RFTN1: variants seen among roughly 807,000 people sequenced by gnomAD.
RFTN1 encodes raftlin.
A neutral mutation model predicts 46.5 loss-of-function variants in RFTN1; 26 were observed. The observed-to-expected ratio is 0.56, with a 90% CI of 0.41 to 0.78. RFTN1 has a LOEUF of 0.78. Ranked by LOEUF, RFTN1 falls within the 30% of genes least tolerant of loss-of-function variation. The pLI is 0.00. For synonymous variants in RFTN1, 261 were observed against 284.2 expected (o/e 0.92, Z 0.82); for missense variants, 693 against 718.7 (o/e 0.96, Z 0.41).
chr3:16,469,054 G>A (rs368086719), intron 2 of RFTN1, among the ~76,000 whole-genome samples: 39 of 152,324 alleles, frequency 2.6e-4, no homozygotes, highest in African/African-American at 7.7e-4. Context: ...CCTATCCCAC[G>A]TCCAAATAAG....
At chr3:16,406,859 G>A (rs2125443083) in intron 4 of RFTN1, among the ~76,000 whole-genome samples, 1 of 152,290 alleles carries the variant, frequency 6.6e-6, no homozygotes, top group East Asian at 1.9e-4. Context: ...GAATGAGCAG[G>A]TGTCATTTAC....
chr3:16,391,882 GT>G (rs1295347779), intron 4 of RFTN1, among the ~76,000 whole-genome samples: 2 of 23,448 alleles, frequency 8.5e-5, no homozygotes, highest in Admixed American at 5.4e-4. Context: ...TTTTTTTTTT[GT>G]TTTTTTTTTT....
chr3:16,341,984 C>G lies in RFTN1; in HGVS notation c.1147-15108G>C, dbSNP rs368957285. Among the ~76,000 whole-genome samples, 1 of 152,224 alleles carries G rather than the reference C, an allele frequency of 6.6e-6. No homozygotes were observed. The highest frequency in any genetic ancestry group is 2.4e-5 in the African/African-American group (1 of 41,516). On this transcript the variant is annotated intron_variant, in intron 7 of 9. Coordinates refer to ENST00000334133, the MANE Select transcript of RFTN1 (RefSeq NM_015150.2). This position sits in a 1 kb window ranked among gnomAD's most constrained non-coding sequence, Gnocchi z 4.7. ...GGTTTACTTTGCTTTCTTTTCTTGA[C>G]CTGTATTTTCTAAATTATCTTTAAT... is the stretch of plus-strand genomic sequence containing the variant.
chr3:16,483,327 G>T lies in RFTN1; in HGVS notation c.145+10398C>A, dbSNP rs11925623. Among the ~76,000 whole-genome samples, 90,820 of 151,952 alleles carry T rather than the reference G, an allele frequency of 0.6. 29,117 individuals are homozygous for T. Among genetic ancestry groups the T allele is most frequent in the African/African-American group, 0.84 (35,016 of 41,470 alleles). On this transcript the variant is annotated intron_variant, in intron 2 of 9. Transcript: ENST00000334133. This position sits in a 1 kb window ranked among gnomAD's most constrained non-coding sequence, Gnocchi z 4.8. The stretch of plus-strand genomic sequence containing the variant: ...CTCTTCCTTCCTTTCCCTAGTTTAC[G>T]ATGTTGGGCTCCCCTGTAAAGCACC...
At position 16,466,361 on chromosome 3, in the gene RFTN1, T is replaced by A. The variant is rs2076091798; in HGVS notation, c.145+27364A>T. 6.6e-6 allele frequency among the ~76,000 whole-genome samples: 1 copy of A among 152,226 alleles called. No individual in the cohort carries two copies. Among genetic ancestry groups the A allele is most frequent in the African/African-American group, 2.4e-5 (1 of 41,454 alleles). On this transcript the variant is annotated intron_variant, in intron 2 of 9. Coordinates refer to ENST00000334133, the MANE Select transcript of RFTN1 (RefSeq NM_015150.2). The surrounding 1 kb of genome is among the most constrained non-coding windows in gnomAD (Gnocchi z 5.6). ...TTAAAGATGTAATATCTATGAAATC[T>A]CTGTTGTTATTTACCTATGATAGTA...
chr3:16,404,551 T>C (rs1575237203), intron 4 of RFTN1, among the ~76,000 whole-genome samples: 1 of 149,944 alleles, frequency 6.7e-6, no homozygotes, highest in East Asian at 2.0e-4. Flanking sequence ...CTCCACATAA[T>C]CAAAGGAAGC....
rs1007561836 is a variant in RFTN1 at position 16,440,694 on chromosome 3, G to GA, written c.146-6658_146-6657insT. ...CAAGATGGTTACTGCTAATGGGGGGGGGGCCCAATGGTGCCAGAACTTCTA... is the reference window on the plus strand; with the variant it reads ...CAAGATGGTTACTGCTAATGGGGGGGAGGGCCCAATGGTGCCAGAACTTCTA... On this transcript the variant is annotated intron_variant, in intron 2 of 9. Coordinates refer to ENST00000334133, the MANE Select transcript of RFTN1 (RefSeq NM_015150.2). This position sits in a 1 kb window ranked among gnomAD's most constrained non-coding sequence, Gnocchi z 4.6. Among the ~76,000 whole-genome samples, 3 of 151,908 alleles carry GA rather than the reference G, an allele frequency of 2.0e-5. No individual in the cohort carries two copies. The highest frequency in any genetic ancestry group is 4.4e-5 in the Non-Finnish European group (3 of 68,020).
rs186113097 is a variant in RFTN1, at chr3:16,404,635, C to T, written c.441+4740G>A. On this transcript the variant is annotated intron_variant, in intron 4 of 9. Transcript: ENST00000334133. Reference sequence around the variant, plus strand: ...AAACAGGACTTGGCTCTTCCTCAGCCTTATGCCTTCAACCCATGCTCCTGT... The same window carrying T: ...AAACAGGACTTGGCTCTTCCTCAGCTTTATGCCTTCAACCCATGCTCCTGT... 8.5e-3 allele frequency among the ~76,000 whole-genome samples: 1,293 copies of T among 151,784 alleles called. 12 individuals are homozygous for T. Among genetic ancestry groups the T allele is most frequent in the Non-Finnish European group, 0.011 (765 of 67,958 alleles).
At chr3:16,423,179 A>G (rs918782600) in intron 3 of RFTN1, among the ~76,000 whole-genome samples, 4 of 151,430 alleles carry the variant, frequency 2.6e-5, no homozygotes, top group African/African-American at 9.8e-5. Context: ...AAAAAAAAAA[A>G]AGTTAGACTC....
At position 16,335,384 on chromosome 3, in the gene RFTN1, G is replaced by T. The variant is rs2070746019; in HGVS notation, c.1147-8508C>A. ...CTGCATGGGAAACAGGCTTAAGAAG[G>T]GAGTTTGTACCACATTTTCTTTATC... is the stretch of plus-strand genomic sequence containing the variant. On this transcript the variant is annotated intron_variant, in intron 7 of 9. Transcript: ENST00000334133. This position sits in a 1 kb window ranked among gnomAD's most constrained non-coding sequence, Gnocchi z 4.7. 6.6e-6 allele frequency among the ~76,000 whole-genome samples: 1 copy of T among 152,144 alleles called. No homozygotes were observed. The highest frequency in any genetic ancestry group is 1.9e-4 in the East Asian group (1 of 5,206).
At position 16,345,327 on chromosome 3, in the gene RFTN1, C is replaced by T. The variant is rs1203540279; in HGVS notation, c.1146+12605G>A. 1 of 146,620 alleles carries T rather than the reference C, an allele frequency of 6.8e-6. No homozygotes were observed. The highest frequency in any genetic ancestry group is 2.7e-5 in the African/African-American group (1 of 36,678). 9.1% of individuals were successfully genotyped at this position (146,620 alleles called of 1,614,324 possible). A position where few individuals can be genotyped will look rare whatever the true frequency, so the allele number is the denominator to read the frequency against. On this transcript the variant is annotated intron_variant, in intron 7 of 9. Transcript: ENST00000334133. The surrounding 1 kb of genome is among the most constrained non-coding windows in gnomAD (Gnocchi z 5.2). ...TTAAAGCTGTTATAGAATTATCTCC[C>T]ACTTTTTTATCTCAAACACATTGGG...
intron 4 of RFTN1, among the ~76,000 whole-genome samples, chr3:16,391,885 TTTTTTTTTG>T (rs1559317965): frequency 0.011 from 419 of 38,966 alleles, 57 homozygotes; most frequent in Non-Finnish European, 0.017. Context: ...TTTTTTTGTT[TTTTTTTTTG>T]TTTTTTTTAC....
In RFTN1 at chr3:16,442,894, G is replaced by A. The variant is rs1172035957; in HGVS notation, c.146-8857C>T. ...AATGTCCTCTAGATTCAGCCATGCT[G>A]TTGTAAATGGAGGATCATCTTCTTT... is the stretch of plus-strand genomic sequence containing the variant. On this transcript the variant is annotated intron_variant, in intron 2 of 9. Coordinates refer to ENST00000334133, the MANE Select transcript of RFTN1 (RefSeq NM_015150.2). The surrounding 1 kb of genome is among the most constrained non-coding windows in gnomAD (Gnocchi z 4.1). Among the ~76,000 whole-genome samples, 1 of 152,226 alleles carries A rather than the reference G, an allele frequency of 6.6e-6. No homozygotes were observed. Among genetic ancestry groups the A allele is most frequent in the Admixed American group, 6.5e-5 (1 of 15,280 alleles).
At chr3:16,462,384 G>A (rs1291606224) in intron 2 of RFTN1, among the ~76,000 whole-genome samples, 2 of 152,226 alleles carry the variant, frequency 1.3e-5, no homozygotes, top group Admixed American at 1.3e-4. Flanking sequence ...CCTGTGAATA[G>A]TAACCTTATA....
At position 16,381,386 on chromosome 3, in the gene RFTN1, G is replaced by C. The variant is rs2073986695; in HGVS notation, c.442-3284C>G. ...ATATAGTAATGGATGTGAAGGCATA[G>C]ACATGACAGTGACAATGGTGATTAT... is the stretch of plus-strand genomic sequence containing the variant. On this transcript the variant is annotated intron_variant, in intron 4 of 9. Coordinates refer to ENST00000334133, the MANE Select transcript of RFTN1 (RefSeq NM_015150.2). The surrounding 1 kb of genome is among the most constrained non-coding windows in gnomAD (Gnocchi z 4.2). 6.6e-6 allele frequency among the ~76,000 whole-genome samples: 1 copy of C among 152,186 alleles called. No individual in the cohort carries two copies. The highest frequency in any genetic ancestry group is 2.4e-5 in the African/African-American group (1 of 41,438).
Position 16,322,509 on chromosome 3 carries a change from T to C in RFTN1, c.1332+867A>G, listed in dbSNP as rs764877156. ...CCTGCCGAGAATGTGGCCTCAGCCA[T>C]CAAAGGTGCAGTGAGCTGAATCCAG... On this transcript the variant is annotated intron_variant, in intron 9 of 9. Transcript: ENST00000334133. The surrounding 1 kb of genome is among the most constrained non-coding windows in gnomAD (Gnocchi z 6.2). 6.6e-6 allele frequency among the ~76,000 whole-genome samples: 1 copy of C among 152,122 alleles called. No individual in the cohort carries two copies. The highest frequency in any genetic ancestry group is 1.5e-5 in the Non-Finnish European group (1 of 68,016).
At position 16,421,181 on chromosome 3, in the gene RFTN1, T is replaced by A. The variant is rs1420048362; in HGVS notation, c.333-11698A>T. On this transcript the variant is annotated intron_variant, in intron 3 of 9. Coordinates refer to ENST00000334133, the MANE Select transcript of RFTN1 (RefSeq NM_015150.2). This position sits in a 1 kb window ranked among gnomAD's most constrained non-coding sequence, Gnocchi z 4.6. ...AATAAGCAATATTTTATAATGATGATCACAGTAAGTTCACACTATTAATAG... is the reference window on the plus strand; with the variant it reads ...AATAAGCAATATTTTATAATGATGAACACAGTAAGTTCACACTATTAATAG... Among the ~76,000 whole-genome samples the A allele has an allele frequency of 3.3e-5, 5 of 152,206 alleles. No homozygotes were observed.
At chr3:16,416,927 G>A (rs551248571) in intron 3 of RFTN1, among the ~76,000 whole-genome samples, 69 of 151,790 alleles carry the variant, frequency 4.5e-4, no homozygotes, top group African/African-American at 1.6e-3. Context: ...ATTTTTAAGT[G>A]TACAATTCAG....
rs767442092 is a variant in RFTN1 at position 16,457,041 on chromosome 3, C to T, written c.146-23004G>A. On this transcript the variant is annotated intron_variant, in intron 2 of 9. Coordinates refer to ENST00000334133, the MANE Select transcript of RFTN1 (RefSeq NM_015150.2). This position sits in a 1 kb window ranked among gnomAD's most constrained non-coding sequence, Gnocchi z 4.2. Reference sequence around the variant, plus strand: ...ATGACAGATGCCATTGCTATAAGAACTTTAATAAGTATATGTGAAACTTTC... The same window carrying T: ...ATGACAGATGCCATTGCTATAAGAATTTTAATAAGTATATGTGAAACTTTC... 9.9e-5 allele frequency among the ~76,000 whole-genome samples: 15 copies of T among 152,092 alleles called. No individual in the cohort carries two copies. Among genetic ancestry groups the T allele is most frequent in the Non-Finnish European group, 1.5e-4 (10 of 68,014 alleles).
Sources: allele counts gnomAD v4.1 joint callset (sites outside exome capture counted in the v4.1 genomes callset), GRCh38; gene constraint gnomAD v4.1.1; non-coding constraint Gnocchi (gnomAD v3.1); transcripts MANE v1.5; gene names NCBI Gene and HGNC (gene_info 2026-07-23, HGNC 2026-07-21).